Variants in PTCH2 observed in about 807,000 individuals in gnomAD.
PTCH2 encodes the protein protein patched homolog 2.
In PTCH2, 96 loss-of-function variants were observed where a neutral mutation model predicts 117.9. The observed-to-expected ratio is 0.81, with a 90% confidence interval of 0.69 to 0.96. PTCH2 has a LOEUF of 0.96. Among genes scored for constraint, PTCH2 ranks in the 50% least tolerant of loss-of-function variants. The pLI is 0.00. For synonymous variants in PTCH2, 615 were observed against 660.9 expected (o/e 0.93, Z 1.06); for missense variants, 1,379 against 1,562.5 (o/e 0.88, Z 1.98).
chr1:44,824,665 T>C (rs1314527711), intron 19 of PTCH2, among the ~76,000 whole-genome samples: 2 of 152,038 alleles, frequency 1.3e-5, no homozygotes, highest in Non-Finnish European at 2.9e-5. Flanking sequence ...GCCCAGCTAA[T>C]TATTTAAAAA....
chr1:44,820,006 C>T (rs115899954), downstream of PTCH2: 212 of 157,922 alleles, frequency 1.3e-3, 2 homozygotes, highest in South Asian at 6.7e-3. Flanking sequence ...ATATTCGTGA[C>T]TTCCGCTTCG....
intron 2 of PTCH2, among the ~76,000 whole-genome samples, chr1:44,833,304 C>A (rs1262958601): frequency 1.3e-5 from 2 of 152,112 alleles, no homozygotes; most frequent in African/African-American, 4.8e-5. Flanking sequence ...TTGGTCTGAT[C>A]TCAGACCCTG....
In PTCH2 at chr1:44,827,404, T is replaced by C. The variant is rs767862028; in HGVS notation, c.2369A>G (p.Gln790Arg). ...CTGCCCGTCTCCTCGCCTCTCACCC[T>C]GTAGCCAGTTGCGGTAATAGTGCAG... ...TWLHYYRNWLQGIQAAFDQDW... is the reference protein window; with the variant it reads ...TWLHYYRNWLRGIQAAFDQDW... The change falls in exon 15 of 22, where the codon CAG becomes CGG. Residue 790 changes from glutamine (Q) to arginine (R), a missense_variant and splice_region_variant. Gln to Arg is a conservative substitution (Grantham distance 43, BLOSUM62 1). Transcript: ENST00000372192. The C allele has an allele frequency of 1.2e-6, 2 of 1,613,906 alleles. No homozygotes were observed. Among genetic ancestry groups the C allele is most frequent in the Non-Finnish European group, 1.7e-6 (2 of 1,180,004 alleles).
chr1:44,836,506 G>A (rs991066959), intron 2 of PTCH2, among the ~76,000 whole-genome samples: 3 of 152,130 alleles, frequency 2.0e-5, no homozygotes, highest in African/African-American at 7.2e-5. Flanking sequence ...TCAAGAGGTT[G>A]AGACTAGCTT....
chr1:44,834,311 T>C (rs1392630069), intron 2 of PTCH2, among the ~76,000 whole-genome samples: 1 of 152,054 alleles, frequency 6.6e-6, no homozygotes, highest in Non-Finnish European at 1.5e-5. Context: ...GTAGTAGAGA[T>C]GGGGTTTCAC....
In PTCH2 at chr1:44,826,449, G is replaced by A. The variant is rs1221882831; in HGVS notation, c.2976+39C>T. 1.2e-6 allele frequency: 2 copies of A among 1,613,760 alleles called. No homozygotes were observed. Among genetic ancestry groups the A allele is most frequent in the South Asian group, 2.2e-5 (2 of 91,074 alleles). On this transcript the variant is annotated intron_variant, in intron 18 of 21. Coordinates refer to ENST00000372192, the MANE Select transcript of PTCH2 (RefSeq NM_003738.5). This position sits in a 1 kb window ranked among gnomAD's most constrained non-coding sequence, Gnocchi z 5.1. ...GAGGGATGACAGGCTGGGCAGGGAA[G>A]GGTGGGGTGTCTCTGTCCCCACTCC... is the stretch of plus-strand genomic sequence containing the variant.
In PTCH2 at chr1:44,843,233, A is replaced by G; in HGVS notation, c.-301T>C. On this transcript the variant is annotated 5_prime_UTR_variant, in exon 1 of 22. Transcript: ENST00000372192. The stretch of plus-strand genomic sequence containing the variant: ...GAATTGCTGGCCCGAGACGCACAGC[A>G]GGGCTCGAGGTGGCAACTGCAGTCC... 1.0e-6 allele frequency: 1 copy of G among 985,320 alleles called. No homozygotes were observed. The highest frequency in any genetic ancestry group is 4.7e-5 in the South Asian group (1 of 21,276). 61.0% of individuals were successfully genotyped at this position (985,320 alleles called of 1,614,324 possible). A position where few individuals can be genotyped will look rare whatever the true frequency, so the allele number is the denominator to read the frequency against.
In PTCH2 at chr1:44,831,715, GC is replaced by G. The variant is rs1557647377; in HGVS notation, c.607del (p.Ala203ProfsTer36). 2.6e-6 allele frequency: 4 copies of G among 1,559,336 alleles called. No individual in the cohort carries two copies. In the South Asian group the frequency reaches 4.7e-5, roughly 18 times the overall value. The part of the protein sequence containing the change: ...WEGAKLQGGS[A>X]YLPGRPDIQW... The stretch of plus-strand genomic sequence containing the variant: ...CAGGAGTGGCACTCACGGCAGGTAG[GC>G]GGAGCCCCCTTGGAGTTTGGCTCCC... On this transcript the variant is annotated frameshift_variant, in exon 5 of 22. Transcript: ENST00000372192. LOFTEE classifies it high-confidence loss of function. The surrounding 1 kb of genome is among the most constrained non-coding windows in gnomAD (Gnocchi z 4.3).
In PTCH2 at chr1:44,826,909, G is replaced by A; in HGVS notation, c.2688C>T (p.Asn896=). ...GCTCCCCCCAAGACTCACTGCGAAG[G>A]TTCTCCCCCGTGGTGTCGTATTTGT... The part of the protein sequence containing the change: ...LHDKYDTTGE[N]LRIPPAQPLE... The change falls in exon 17 of 22, where the codon AAC becomes AAT. Residue 896 remains asparagine, a synonymous_variant. Coordinates refer to ENST00000372192, the MANE Select transcript of PTCH2 (RefSeq NM_003738.5). This position sits in a 1 kb window ranked among gnomAD's most constrained non-coding sequence, Gnocchi z 5.1. The A allele has an allele frequency of 1.2e-6, 2 of 1,614,002 alleles. No individual in the cohort carries two copies. The highest frequency in any genetic ancestry group is 1.3e-5 in the African/African-American group (1 of 75,038).
At chr1:44,820,428 G>A (rs752347446), downstream of PTCH2, 10 of 668,916 alleles carry the variant, frequency 1.5e-5, no homozygotes, top group African/African-American at 1.8e-5. Flanking sequence ...TTAGAGAGAG[G>A]GACGGGGAAA....
intron 2 of PTCH2, among the ~76,000 whole-genome samples, chr1:44,837,983 G>A (rs997163954): frequency 6.6e-6 from 1 of 151,762 alleles, no homozygotes; most frequent in Non-Finnish European, 1.5e-5. Context: ...TCAGAAGGCT[G>A]AGGCAGGAGA....
chr1:44,830,789 A>T (rs1457959820), intron 6 of PTCH2, 59 bp downstream of exon 6: 2 of 1,478,206 alleles, frequency 1.4e-6, no homozygotes, highest in Admixed American at 4.4e-5. Flanking sequence ...ACACAGGAGT[A>T]TGAGGAAGGG....
At chr1:44,825,513 CTT>C (rs1573642227) in intron 19 of PTCH2, among the ~76,000 whole-genome samples, 1 of 152,122 alleles carries the variant, frequency 6.6e-6, no homozygotes, top group East Asian at 1.9e-4. Flanking sequence ...ATCCCGTATT[CTT>C]TTTTATTTTT....
chr1:44,826,252 G>A lies in PTCH2; in HGVS notation c.3112C>T (p.Leu1038=). The A allele has an allele frequency of 1.2e-6, 2 of 1,614,002 alleles. No homozygotes were observed. Among genetic ancestry groups the A allele is most frequent in the Non-Finnish European group, 1.7e-6 (2 of 1,180,024 alleles). Residue 1038 remains leucine, a splice_region_variant and synonymous_variant, in exon 19 of 22, where the codon CTG becomes TTG. Coordinates refer to ENST00000372192, the MANE Select transcript of PTCH2 (RefSeq NM_003738.5). This position sits in a 1 kb window ranked among gnomAD's most constrained non-coding sequence, Gnocchi z 5.1. ...IGVEFTVHVA[L]GFLTTQGSRN... is the part of the protein sequence containing the mutation. ...CTCCCCGGGGTGCCCGTGCTCACCA[G>A]AGCCACGTGGACTGTGAACTCAACG...
In PTCH2 at chr1:44,828,542, G is replaced by C; in HGVS notation, c.1554C>G (p.Leu518=). 6.2e-7 allele frequency: 1 copy of C among 1,614,094 alleles called. No homozygotes were observed. Among genetic ancestry groups the C allele is most frequent in the Non-Finnish European group, 8.5e-7 (1 of 1,179,996 alleles). Residue 518 remains leucine, a synonymous_variant, in exon 12 of 22, where the codon CTC becomes CTG. Transcript: ENST00000372192. ...NNMAAFLMAA[L]VPIPALRAFS... is the part of the protein sequence containing the mutation. Reference sequence around the variant, plus strand: ...AGGCTCGCAGCGCAGGGATGGGAACGAGGGCAGCCATGAGGAAGGCGGCCA... The same window carrying C: ...AGGCTCGCAGCGCAGGGATGGGAACCAGGGCAGCCATGAGGAAGGCGGCCA...
Position 44,842,914 on chromosome 1 carries a change from G to T in PTCH2, c.19C>A (p.Leu7Ile). ...GTGTAACTCGGGGGCAGCTCTCTGA[G>T]GGGCGGCGATCGAGTCATGCTGGCG... MTRSPP[L>I]RELPPSYTPP... The change falls in exon 1 of 22, where the codon CTC (leucine) becomes ATC (isoleucine). Residue 7 changes from leucine to isoleucine, a missense_variant. By Grantham distance (5) the Leu-to-Ile change is conservative. Coordinates refer to ENST00000372192, the MANE Select transcript of PTCH2 (RefSeq NM_003738.5). 1 of 1,549,116 alleles carries T rather than the reference G, an allele frequency of 6.5e-7. No individual in the cohort carries two copies. Among genetic ancestry groups the T allele is most frequent in the Non-Finnish European group, 8.7e-7 (1 of 1,145,996 alleles).
In PTCH2 at chr1:44,821,981, T is replaced by A; in HGVS notation, c.*434A>T. The A allele has an allele frequency of 7.6e-7, 1 of 1,312,102 alleles. No homozygotes were observed. Among genetic ancestry groups the A allele is most frequent in the Admixed American group, 2.4e-5 (1 of 41,702 alleles). The allele number at this position is 1,312,102 out of a possible 1,614,324, so 81.3% of individuals were successfully genotyped here. A position where few individuals can be genotyped will look rare whatever the true frequency, so the allele number is the denominator to read the frequency against. ...ATTTCATTCTTTAAAAAATAAAACT[T>A]TCATCATAGCTAACATGTATGTATA... On this transcript the variant is annotated 3_prime_UTR_variant, in exon 22 of 22. Coordinates refer to ENST00000372192, the MANE Select transcript of PTCH2 (RefSeq NM_003738.5).
At chr1:44,840,814 A>G (rs1653914502) in intron 2 of PTCH2, among the ~76,000 whole-genome samples, 1 of 152,058 alleles carries the variant, frequency 6.6e-6, no homozygotes, top group Admixed American at 6.6e-5. Flanking sequence ...GAATCACTTG[A>G]CCCTGGGAGG....
At position 44,830,903 on chromosome 1, in the gene PTCH2, A is replaced by G; in HGVS notation, c.758T>C (p.Leu253Pro). 4 of 1,581,922 alleles carry G rather than the reference A, an allele frequency of 2.5e-6. No homozygotes were observed. The highest frequency in any genetic ancestry group is 3.5e-6 in the Non-Finnish European group (4 of 1,156,360). ...VGQAYVGRPCLHPDDLHCPPS... is the reference protein window; with the variant it reads ...VGQAYVGRPCPHPDDLHCPPS... ...TGGGCAGTGGAGGTCATCAGGGTGC[A>G]GACAGGGCCGCCCCACGTAGGCCTG... The change falls in exon 6 of 22, where the codon CTG becomes CCG. Residue 253 changes from leucine (L) to proline (P), a missense_variant. Coordinates refer to ENST00000372192, the MANE Select transcript of PTCH2 (RefSeq NM_003738.5).
Sources: allele counts gnomAD v4.1 joint callset (sites outside exome capture counted in the v4.1 genomes callset), GRCh38; gene constraint gnomAD v4.1.1; non-coding constraint Gnocchi (gnomAD v3.1); transcripts MANE v1.5; gene names NCBI Gene and HGNC (gene_info 2026-07-23, HGNC 2026-07-21).